Variants in GPC5 observed in about 807,000 individuals in gnomAD.
The protein encoded by GPC5 is glypican 5.
In GPC5, 47 loss-of-function variants were observed where a neutral mutation model predicts 53.9. The observed-to-expected ratio is 0.87, with a 90% CI of 0.69 to 1.11. The LOEUF (loss-of-function observed/expected upper bound fraction) is 1.11. Among genes scored for constraint, GPC5 ranks in the 50% most tolerant of loss-of-function variants. The probability of loss-of-function intolerance (pLI) is 0.00; values close to 1 mark genes in which losing one functional copy is unlikely to be tolerated. For synonymous variants in GPC5, 286 were observed against 263.3 expected (o/e 1.09, Z -0.84); for missense variants, 748 against 713.1 (o/e 1.05, Z -0.56).
intron 6 of GPC5, among the ~76,000 whole-genome samples, chr13:91,984,936 T>C (rs1038388816): frequency 2.0e-5 from 3 of 152,222 alleles, no homozygotes; most frequent in African/African-American, 7.2e-5. Context: ...TCTAAAAGAA[T>C]GTGTGTCATG....
intron 7 of GPC5, among the ~76,000 whole-genome samples, chr13:92,175,163 T>C (rs985820217): frequency 6.6e-6 from 1 of 152,218 alleles, no homozygotes; most frequent in Non-Finnish European, 1.5e-5. Flanking sequence ...GAACTTTGAT[T>C]TTTTCATTAG....
chr13:92,568,702 T>G (rs770337416), intron 7 of GPC5, among the ~76,000 whole-genome samples: 1 of 152,134 alleles, frequency 6.6e-6, no homozygotes, highest in Non-Finnish European at 1.5e-5. Context: ...CTGTACTAAG[T>G]GCTTCATACA....
chr13:91,688,286 A>G (rs968571524), intron 2 of GPC5, among the ~76,000 whole-genome samples: 3 of 152,160 alleles, frequency 2.0e-5, no homozygotes, highest in Non-Finnish European at 4.4e-5. Flanking sequence ...TTAAAATTTT[A>G]TGAAGTGATT....
chr13:92,357,834 C>T (rs2043534936), intron 7 of GPC5, among the ~76,000 whole-genome samples: 1 of 151,056 alleles, frequency 6.6e-6, no homozygotes, highest in Non-Finnish European at 1.5e-5. Context: ...CCCTGCAGGC[C>T]CCTCCTCCAG....
At position 91,608,228 on chromosome 13, in the gene GPC5, A is replaced by G. The variant is rs566587699; in HGVS notation, c.326-84959A>G. Among the ~76,000 whole-genome samples, 8 of 152,328 alleles carry G rather than the reference A, an allele frequency of 5.3e-5. No individual in the cohort carries two copies. In the East Asian group the frequency reaches 1.5e-3, roughly 29 times the overall value. On this transcript the variant is annotated intron_variant, in intron 2 of 7. Coordinates refer to ENST00000377067, the MANE Select transcript of GPC5 (RefSeq NM_004466.6). The stretch of plus-strand genomic sequence containing the variant: ...AATTATTTATGGAGCATCGATAATA[A>G]CCACTTGGTACTGTGGATTGTTATA...
chr13:92,354,402 A>C (rs375371847), intron 7 of GPC5, among the ~76,000 whole-genome samples: 3 of 152,248 alleles, frequency 2.0e-5, no homozygotes, highest in Non-Finnish European at 4.4e-5. Flanking sequence ...TCAGTTACTA[A>C]CAGGTGAAAT....
chr13:91,778,744 A>T (rs966096337), intron 5 of GPC5, among the ~76,000 whole-genome samples: 8 of 152,196 alleles, frequency 5.3e-5, no homozygotes, highest in Admixed American at 3.9e-4. Flanking sequence ...TCATCACGTA[A>T]CTAATTACAG....
intron 7 of GPC5, among the ~76,000 whole-genome samples, chr13:92,560,710 T>A (rs1278875629): frequency 3.3e-5 from 5 of 152,010 alleles, no homozygotes; most frequent in African/African-American, 4.8e-5. Flanking sequence ...CTGCCTCAGA[T>A]ACAGAGAATT....
intron 7 of GPC5, among the ~76,000 whole-genome samples, chr13:92,384,146 G>A (rs112015743): frequency 2.4e-4 from 36 of 149,910 alleles, no homozygotes; most frequent in African/African-American, 8.6e-4. Context: ...TTCACTCCAG[G>A]TTATTTTCGT....
intron 2 of GPC5, among the ~76,000 whole-genome samples, chr13:91,520,891 T>C (rs1048052197): frequency 6.6e-6 from 1 of 152,124 alleles, no homozygotes; most frequent in African/African-American, 2.4e-5. Context: ...TGGGGGGTTT[T>C]GGTAACTTTC....
intron 6 of GPC5, among the ~76,000 whole-genome samples, chr13:92,129,718 A>C (rs1377306311): frequency 6.6e-6 from 1 of 152,228 alleles, no homozygotes; most frequent in African/African-American, 2.4e-5. Flanking sequence ...TTGCTTTTGA[A>C]TAAGTGTGGT....
At chr13:92,709,479 T>C (rs1398195358) in intron 7 of GPC5, 2 of 152,180 alleles carry the variant, frequency 1.3e-5, no homozygotes. Context: ...AGCATATTTG[T>C]TTTACTCACG....
At chr13:92,382,627 A>G (rs1278199782) in intron 7 of GPC5, among the ~76,000 whole-genome samples, 1 of 152,176 alleles carries the variant, frequency 6.6e-6, no homozygotes, top group Non-Finnish European at 1.5e-5. Context: ...GAAAGCAAAC[A>G]TGTTGGTAAA....
intron 7 of GPC5, among the ~76,000 whole-genome samples, chr13:92,501,332 A>C (rs1482600548): frequency 1.3e-5 from 2 of 152,188 alleles, no homozygotes; most frequent in African/African-American, 4.8e-5. Context: ...AGGCACAATC[A>C]CAGGATGGAA....
At chr13:92,258,504 T>A (rs910110139) in intron 7 of GPC5, among the ~76,000 whole-genome samples, 4 of 152,218 alleles carry the variant, frequency 2.6e-5, no homozygotes, top group Non-Finnish European at 5.9e-5. Flanking sequence ...TGTGTTAATA[T>A]CAGTAAGAGT....
intron 6 of GPC5, among the ~76,000 whole-genome samples, chr13:92,031,721 G>GTAATATATTATATATTATATATAATATA: frequency 9.6e-5 from 1 of 10,470 alleles, no homozygotes; most frequent in African/African-American, 2.9e-4. Flanking sequence ...TTACATATAT[G>GTAATATATTATATATTATATATAATATA]TAATATATTA....
chr13:92,326,580 T>C (rs2043252995), intron 7 of GPC5, among the ~76,000 whole-genome samples: 1 of 152,138 alleles, frequency 6.6e-6, no homozygotes, highest in Admixed American at 6.6e-5. Flanking sequence ...TGGAAAATAC[T>C]GTTTTCTGCA....
rs138253319 is a variant in GPC5, at chr13:91,964,115, C to T, written c.1401+56058C>T. Among the ~76,000 whole-genome samples the T allele has an allele frequency of 4.9e-3, 739 of 152,230 alleles. 6 individuals carry two copies. Among genetic ancestry groups the T allele is most frequent in the African/African-American group, 0.017 (693 of 41,534 alleles). On this transcript the variant is annotated intron_variant, in intron 6 of 7. Transcript: ENST00000377067. The stretch of plus-strand genomic sequence containing the variant: ...TTTTTTCCTTCTGATGTTCAGAGGT[C>T]TCCAGAGTTTCTTCCTTCTGGTGGG...
At chr13:91,517,055 G>A (rs1885544544) in intron 2 of GPC5, among the ~76,000 whole-genome samples, 1 of 152,122 alleles carries the variant, frequency 6.6e-6, no homozygotes, top group Non-Finnish European at 1.5e-5. Context: ...GGCCTGTGAT[G>A]GGAGAGGCTG....
Sources: gnomAD v4.1 joint callset for allele counts (sites outside exome capture counted in the v4.1 genomes callset) on GRCh38, gnomAD v4.1.1 for gene constraint, MANE v1.5 for transcripts, NCBI Gene and HGNC (gene_info 2026-07-23, HGNC 2026-07-21) for gene names.